NFIA: variants seen among roughly 807,000 people sequenced by gnomAD.
The protein encoded by NFIA is nuclear factor 1 A-type.
A neutral mutation model predicts 62.8 loss-of-function variants in NFIA; 8 were observed. That is an observed-to-expected ratio of 0.13 (90% CI 0.07 to 0.23). NFIA has a LOEUF of 0.23. Ranked by LOEUF, NFIA falls within the 10% of genes least tolerant of loss-of-function variation. NFIA has a pLI of 1.00. For missense variants in NFIA, 410 were observed against 642.1 expected, an observed-to-expected ratio of 0.64 and a Z score of 3.91; for synonymous variants, 235 against 238.1, an observed-to-expected ratio of 0.99 and a Z score of 0.12.
At chr1:61,404,060 G>C in intron 7 of NFIA, 44 bp from the exon 8 acceptor site, 1 of 1,602,692 alleles carries the variant, frequency 6.2e-7, no homozygotes, top group East Asian at 2.2e-5. Flanking sequence ...CTATGACAAA[G>C]CAGGTCTTTC....
chr1:61,126,476 T>A (rs866046126), intron 2 of NFIA, among the ~76,000 whole-genome samples: 2,206 of 53,288 alleles, frequency 0.041, 25 homozygotes, highest in Non-Finnish European at 0.064. Context: ...ACACACACAC[T>A]CACAGAAATA....
At position 61,112,923 on chromosome 1, in the gene NFIA, T is replaced by A. The variant is rs149427455; in HGVS notation, c.559+24243T>A. Among the ~76,000 whole-genome samples the A allele has an allele frequency of 8.2e-4, 125 of 152,298 alleles. 1 individual carries two copies. The highest frequency in any genetic ancestry group is 2.7e-3 in the African/African-American group (112 of 41,578). ...TTTAGGATTTTTTATTGTTAATTTT[T>A]ATAGTGACTGTGGATTGAGGAATTA... On this transcript the variant is annotated intron_variant, in intron 2 of 10. Coordinates refer to ENST00000403491, the MANE Select transcript of NFIA (RefSeq NM_001134673.4).
chr1:61,273,411 C>T (rs554262459), intron 2 of NFIA, among the ~76,000 whole-genome samples: 1 of 152,194 alleles, frequency 6.6e-6, no homozygotes, highest in Admixed American at 6.5e-5. Flanking sequence ...CACTCACAAA[C>T]CAGAGGGATA....
intron 2 of NFIA, among the ~76,000 whole-genome samples, chr1:61,274,557 T>G (rs1387463492): frequency 6.6e-6 from 1 of 152,164 alleles, no homozygotes; most frequent in East Asian, 1.9e-4. Flanking sequence ...TTCTATGCAG[T>G]TGGGTTTGTT....
intron 2 of NFIA, among the ~76,000 whole-genome samples, chr1:61,269,664 A>G (rs1042897323): frequency 2.6e-5 from 4 of 152,192 alleles, no homozygotes; most frequent in Admixed American, 6.5e-5. Context: ...ATATCCAGAC[A>G]GTGTTGTCTG....
At chr1:61,375,814 C>A (rs1010092203) in intron 6 of NFIA, among the ~76,000 whole-genome samples, 4 of 152,166 alleles carry the variant, frequency 2.6e-5, no homozygotes, top group African/African-American at 7.2e-5. Flanking sequence ...GTAGCCACTA[C>A]CCTATTTTTC....
chr1:61,167,274 G>C (rs1050416461), intron 2 of NFIA, among the ~76,000 whole-genome samples: 6 of 152,230 alleles, frequency 3.9e-5, no homozygotes, highest in Non-Finnish European at 7.3e-5. Flanking sequence ...GTGTACTCAT[G>C]TATGATCGTG....
At chr1:61,277,102 A>G (rs1198574188) in intron 2 of NFIA, among the ~76,000 whole-genome samples, 1 of 152,224 alleles carries the variant, frequency 6.6e-6, no homozygotes, top group Non-Finnish European at 1.5e-5. Context: ...TTGCTTTTAT[A>G]TACCAGCTTC....
intron 2 of NFIA, among the ~76,000 whole-genome samples, chr1:61,148,305 G>A (rs950883306): frequency 6.6e-6 from 1 of 152,116 alleles, no homozygotes; most frequent in Non-Finnish European, 1.5e-5. Context: ...TATTCTATTT[G>A]TAGCTTGTTA....
chr1:61,079,008 G>T (rs527701214), upstream of NFIA, among the ~76,000 whole-genome samples: 8 of 152,068 alleles, frequency 5.3e-5, no homozygotes, highest in South Asian at 2.1e-4. Context: ...AAATAATATG[G>T]GCTCTTTCCC....
At chr1:61,098,384 T>C (rs979578634) in intron 2 of NFIA, among the ~76,000 whole-genome samples, 2 of 152,214 alleles carry the variant, frequency 1.3e-5, no homozygotes, top group African/African-American at 4.8e-5. Context: ...TTTATATGAC[T>C]ATGACAAGAT....
chr1:61,356,860 C>T (rs1662980219), intron 5 of NFIA, among the ~76,000 whole-genome samples: 1 of 152,168 alleles, frequency 6.6e-6, no homozygotes, highest in African/African-American at 2.4e-5. Context: ...AATTTCTTGC[C>T]ATAAATTGGC....
At chr1:61,190,552 TCAAA>T (rs1651545656) in intron 2 of NFIA, among the ~76,000 whole-genome samples, 1 of 152,218 alleles carries the variant, frequency 6.6e-6, no homozygotes, top group Non-Finnish European at 1.5e-5. Context: ...TCACATTTAA[TCAAA>T]CAAGTCAGGC....
intron 2 of NFIA, among the ~76,000 whole-genome samples, chr1:61,234,498 T>C (rs551995827): frequency 3.9e-5 from 6 of 152,248 alleles, no homozygotes; most frequent in Middle Eastern, 3.4e-3. Context: ...TTGCCAACTC[T>C]TCTGTGAGCT....
chr1:61,397,986 G>A (rs1056898807), intron 7 of NFIA, among the ~76,000 whole-genome samples: 3 of 152,206 alleles, frequency 2.0e-5, no homozygotes, highest in African/African-American at 7.2e-5. Flanking sequence ...AGGTGGAATT[G>A]GTATTGACTG....
intron 3 of NFIA, among the ~76,000 whole-genome samples, chr1:61,308,443 G>T (rs1438197409): frequency 1.3e-5 from 2 of 152,196 alleles, no homozygotes; most frequent in East Asian, 3.8e-4. Flanking sequence ...TTTTTAAAAT[G>T]AGTTAGACGA....
chr1:61,439,769 GA>G (rs1198684390), intron 10 of NFIA, among the ~76,000 whole-genome samples: 2 of 152,152 alleles, frequency 1.3e-5, no homozygotes, highest in Admixed American at 1.3e-4. Flanking sequence ...TGTACCCCCT[GA>G]AAAATGGTAT....
chr1:61,182,914 G>A (rs141817147), intron 2 of NFIA, among the ~76,000 whole-genome samples: 1 of 152,328 alleles, frequency 6.6e-6, no homozygotes, highest in Admixed American at 6.5e-5. Context: ...TGAAAACCAT[G>A]AAAAGGCTTT....
chr1:61,423,521 G>A (rs1666731264), intron 9 of NFIA, among the ~76,000 whole-genome samples: 1 of 151,932 alleles, frequency 6.6e-6, no homozygotes, highest in African/African-American at 2.4e-5. Flanking sequence ...TTGTAAATAA[G>A]GCAAGAATTG....
Sources: gnomAD v4.1 joint callset for allele counts (sites outside exome capture counted in the v4.1 genomes callset) on GRCh38, gnomAD v4.1.1 for gene constraint, MANE v1.5 for transcripts, NCBI Gene and HGNC (gene_info 2026-07-23, HGNC 2026-07-21) for gene names.